The following ANKS1B variants were observed in gnomAD, a reference collection of about 807,000 sequenced individuals.
The protein encoded by ANKS1B is ankyrin repeat and sterile alpha motif domain containing 1B, also known as ankyrin repeat and sterile alpha motif domain-containing protein 1B.
Under a neutral mutation model 148.3 loss-of-function variants are expected in ANKS1B, and 36 were observed. The observed-to-expected ratio is 0.24, with a 90% CI of 0.19 to 0.32. The LOEUF (loss-of-function observed/expected upper bound fraction) is 0.32. Among genes scored for constraint, ANKS1B ranks in the 10% least tolerant of loss-of-function variants. The pLI is 1.00. For synonymous variants in ANKS1B, 542 were observed against 560.8 expected (o/e 0.97, Z 0.47); for missense variants, 1,157 against 1,542.6 (o/e 0.75, Z 4.19).
intron 4 of ANKS1B, among the ~76,000 whole-genome samples, chr12:99,804,014 G>GA (rs1308701221): frequency 2.0e-5 from 3 of 151,800 alleles, no homozygotes; most frequent in South Asian, 2.1e-4. Context: ...GTGTTTTGCA[G>GA]AAAAAAAGGA....
At chr12:99,952,230 C>T (rs2095238903) in intron 1 of ANKS1B, among the ~76,000 whole-genome samples, 1 of 152,014 alleles carries the variant, frequency 6.6e-6, no homozygotes, top group Admixed American at 6.6e-5. Context: ...TGCATGGAAC[C>T]CCTATTGGTC....
chr12:99,123,480 G>C (rs959705003), intron 15 of ANKS1B, among the ~76,000 whole-genome samples: 1 of 152,012 alleles, frequency 6.6e-6, no homozygotes, highest in African/African-American at 2.4e-5. Context: ...ATATATGAAG[G>C]GGAGTTTATT....
intron 9 of ANKS1B, chr12:98,735,688 T>G: frequency 1.4e-6 from 1 of 710,706 alleles, no homozygotes; most frequent in Non-Finnish European, 2.7e-6. Context: ...ATGCATTTGT[T>G]TAATAAATAT....
chr12:99,492,191 T>C (rs2096561957), intron 10 of ANKS1B, among the ~76,000 whole-genome samples: 1 of 152,008 alleles, frequency 6.6e-6, no homozygotes, highest in Non-Finnish European at 1.5e-5. Context: ...AAGGTCTAAA[T>C]AAACACAATC....
chr12:99,777,002 G>A (rs1045396298), intron 6 of ANKS1B, among the ~76,000 whole-genome samples: 2 of 152,022 alleles, frequency 1.3e-5, no homozygotes, highest in African/African-American at 2.4e-5. Context: ...ATTTTTAAAT[G>A]TTAACAGCTA....
intron 14 of ANKS1B, among the ~76,000 whole-genome samples, chr12:99,231,654 T>A (rs1286392399): frequency 3.3e-5 from 5 of 150,948 alleles, no homozygotes; most frequent in African/African-American, 7.3e-5. Flanking sequence ...TAAATACATT[T>A]AAAAAAAAAT....
intron 9 of ANKS1B, among the ~76,000 whole-genome samples, chr12:99,649,090 A>G (rs1428327667): frequency 1.3e-5 from 2 of 152,216 alleles, no homozygotes; most frequent in Admixed American, 6.5e-5. Context: ...TGACCAGTCT[A>G]TTCTGAAACA....
intron 9 of ANKS1B, among the ~76,000 whole-genome samples, chr12:99,534,711 T>TTTC (rs1491236705): frequency 0.012 from 942 of 79,840 alleles, 10 homozygotes; most frequent in African/African-American, 0.042. Context: ...TTTTCTTTTC[T>TTTC]TTTTTTTTTT....
chr12:99,252,692 G>C (rs1294779165), intron 12 of ANKS1B, among the ~76,000 whole-genome samples: 1 of 152,100 alleles, frequency 6.6e-6, no homozygotes, highest in Non-Finnish European at 1.5e-5. Flanking sequence ...CAAAGGAGAG[G>C]GTCTTGTGCT....
chr12:98,938,713 C>A (rs997525645), intron 17 of ANKS1B, among the ~76,000 whole-genome samples: 5 of 152,200 alleles, frequency 3.3e-5, no homozygotes, highest in African/African-American at 1.2e-4. Context: ...AACTTGAGAG[C>A]TTAAGACTCG....
intron 17 of ANKS1B, among the ~76,000 whole-genome samples, chr12:98,906,824 T>C (rs1486551333): frequency 1.3e-5 from 2 of 152,254 alleles, no homozygotes; most frequent in Non-Finnish European, 2.9e-5. Flanking sequence ...CATATTCATT[T>C]GTTTTTTAAA....
At chr12:99,523,270 G>A (rs1341438504) in intron 9 of ANKS1B, among the ~76,000 whole-genome samples, 2 of 152,158 alleles carry the variant, frequency 1.3e-5, no homozygotes, top group East Asian at 1.9e-4. Flanking sequence ...AAAATGGTGA[G>A]TATTAAACCC....
intron 17 of ANKS1B, among the ~76,000 whole-genome samples, chr12:98,844,253 C>T (rs1209770785): frequency 6.6e-6 from 1 of 152,192 alleles, no homozygotes; most frequent in African/African-American, 2.4e-5. Flanking sequence ...GTATTCGCCT[C>T]TTAGTGTAAT....
At chr12:99,014,932 G>A (rs989563164) in intron 17 of ANKS1B, among the ~76,000 whole-genome samples, 1 of 152,200 alleles carries the variant, frequency 6.6e-6, no homozygotes, top group Admixed American at 6.5e-5. Context: ...GTATAAACTA[G>A]TTCAGCCATT....
intron 14 of ANKS1B, among the ~76,000 whole-genome samples, chr12:99,180,469 T>C (rs953992847): frequency 1.3e-5 from 2 of 152,156 alleles, no homozygotes; most frequent in Non-Finnish European, 2.9e-5. Context: ...TCTAATTAAC[T>C]GGACTAAGCA....
In ANKS1B at chr12:99,478,086, T is replaced by C. The variant is rs78666195; in HGVS notation, c.1438+26390A>G. Among the ~76,000 whole-genome samples, 1,203 of 152,248 alleles carry C rather than the reference T, an allele frequency of 7.9e-3. 12 individuals are homozygous for C. Among genetic ancestry groups the C allele is most frequent in the African/African-American group, 0.027 (1,120 of 41,558 alleles). On this transcript the variant is annotated intron_variant, in intron 10 of 26. Transcript: ENST00000683438. ...TGACTTGAAGAAGTTCTTTGAAATA[T>C]CTTTGAGTAAGGAAAGTAATATGCA...
intron 9 of ANKS1B, among the ~76,000 whole-genome samples, chr12:99,613,080 C>T (rs2097915835): frequency 1.3e-5 from 2 of 152,224 alleles, no homozygotes; most frequent in South Asian, 4.2e-4. Flanking sequence ...TGTAGCATTA[C>T]CACCAATCTT....
intron 17 of ANKS1B, among the ~76,000 whole-genome samples, chr12:99,023,788 CACAT>C (rs1056967907): frequency 3.3e-5 from 5 of 150,198 alleles, no homozygotes; most frequent in African/African-American, 4.9e-5. Context: ...AATATGCACA[CACAT>C]ACACACATAT....
chr12:99,578,756 T>A (rs951295202), intron 9 of ANKS1B, among the ~76,000 whole-genome samples: 1 of 152,098 alleles, frequency 6.6e-6, no homozygotes, highest in African/African-American at 2.4e-5. Flanking sequence ...TCAATATCAT[T>A]AAAATGGCCA....
Sources: allele counts gnomAD v4.1 joint callset (sites outside exome capture counted in the v4.1 genomes callset), GRCh38; gene constraint gnomAD v4.1.1; transcripts MANE v1.5; gene names NCBI Gene and HGNC (gene_info 2026-07-23, HGNC 2026-07-21).